The following MIR2052HG variants were observed in gnomAD, a reference collection of about 807,000 sequenced individuals.
MIR2052HG encodes the protein MIR2052 host gene.
At chr8:74,600,116 C>A (rs371894404) in intron 1 of MIR2052HG, among the ~76,000 whole-genome samples, 19 of 152,144 alleles carry the variant, frequency 1.2e-4, no homozygotes, top group Non-Finnish European at 2.6e-4. Context: ...CACTGACCTT[C>A]GCCCACTGTC....
chr8:74,682,755 T>C (rs1809139557), intron 2 of MIR2052HG, among the ~76,000 whole-genome samples: 1 of 152,158 alleles, frequency 6.6e-6, no homozygotes, highest in Non-Finnish European at 1.5e-5. Context: ...CAAATCCACT[T>C]CTTGATATAT....
At chr8:74,609,428 T>C (rs1808159086) in intron 1 of MIR2052HG, among the ~76,000 whole-genome samples, 1 of 151,812 alleles carries the variant, frequency 6.6e-6, no homozygotes, top group Non-Finnish European at 1.5e-5. Context: ...AGAGAAAATA[T>C]TTTTCAACCA....
At chr8:74,642,387 T>A (rs1409203443) in intron 2 of MIR2052HG, among the ~76,000 whole-genome samples, 1 of 152,104 alleles carries the variant, frequency 6.6e-6, no homozygotes, top group Admixed American at 6.5e-5. Flanking sequence ...TCTTGGGCAT[T>A]TCATGGAACA....
chr8:74,603,433 C>T, intron 1 of MIR2052HG: 1 of 1,608,052 alleles, frequency 6.2e-7, no homozygotes, highest in Non-Finnish European at 8.5e-7. Flanking sequence ...GATCTGTGCC[C>T]CAGACATCTG....
chr8:74,668,654 G>A (rs926297239), intron 2 of MIR2052HG, among the ~76,000 whole-genome samples: 1 of 152,190 alleles, frequency 6.6e-6, no homozygotes, highest in Non-Finnish European at 1.5e-5. Flanking sequence ...TCCTTCTTCA[G>A]GAACAAAGGA....
intron 4 of MIR2052HG, among the ~76,000 whole-genome samples, chr8:74,746,168 G>A (rs1188936425): frequency 1.3e-5 from 2 of 152,098 alleles, no homozygotes; most frequent in Admixed American, 6.6e-5. Context: ...TATTAGACAC[G>A]ACCTTTATGT....
At chr8:74,735,888 C>G (rs1426597401) in intron 4 of MIR2052HG, among the ~76,000 whole-genome samples, 1 of 152,166 alleles carries the variant, frequency 6.6e-6, no homozygotes, top group South Asian at 2.1e-4. Context: ...TAGTGCAACA[C>G]AGAAATTTGA....
At chr8:74,664,811 C>CCAGGCCT (rs1379030536) in intron 2 of MIR2052HG, among the ~76,000 whole-genome samples, 88 of 152,336 alleles carry the variant, frequency 5.8e-4, no homozygotes, top group Non-Finnish European at 8.8e-5. Flanking sequence ...AGCCACTGCA[C>CCAGGCCT]CAGGCCTCAA....
chr8:74,644,558 G>GT (rs888501208), intron 2 of MIR2052HG, among the ~76,000 whole-genome samples: 19 of 151,534 alleles, frequency 1.3e-4, no homozygotes, highest in Admixed American at 3.3e-4. Flanking sequence ...ATTGTAGTGA[G>GT]TTTTTTTTTC....
chr8:74,610,574 A>G (rs1808180429), intron 1 of MIR2052HG, among the ~76,000 whole-genome samples: 1 of 151,950 alleles, frequency 6.6e-6, no homozygotes, highest in Non-Finnish European at 1.5e-5. Flanking sequence ...GGCAACTTGG[A>G]AGACTTACAT....
intron 2 of MIR2052HG, among the ~76,000 whole-genome samples, chr8:74,617,267 A>G (rs888067207): frequency 5.3e-5 from 8 of 152,074 alleles, no homozygotes; most frequent in African/African-American, 1.7e-4. Context: ...TGGAGTCTCC[A>G]GTATTTATTA....
chr8:74,745,982 G>C (rs1207856625), intron 4 of MIR2052HG, among the ~76,000 whole-genome samples: 1 of 152,142 alleles, frequency 6.6e-6, no homozygotes, highest in African/African-American at 2.4e-5. Flanking sequence ...GTGAGGCACT[G>C]GCTTTACTTG....
At chr8:74,616,470 CTGTT>C (rs1451003720) in intron 2 of MIR2052HG, among the ~76,000 whole-genome samples, 2 of 150,554 alleles carry the variant, frequency 1.3e-5, no homozygotes, top group East Asian at 3.9e-4. Context: ...TTTATCATGT[CTGTT>C]AAATTTTATG....
intron 2 of MIR2052HG, among the ~76,000 whole-genome samples, chr8:74,618,591 A>G (rs1159559005): frequency 6.6e-6 from 1 of 152,230 alleles, no homozygotes. Flanking sequence ...ACAAAATTTC[A>G]CATTATTTCA....
At chr8:74,633,621 C>G (rs1232369568) in intron 2 of MIR2052HG, among the ~76,000 whole-genome samples, 1 of 152,164 alleles carries the variant, frequency 6.6e-6, no homozygotes, top group African/African-American at 2.4e-5. Context: ...TATGCGTTTC[C>G]TAGGCTCAAT....
At chr8:74,651,661 A>G (rs1284033464) in intron 2 of MIR2052HG, among the ~76,000 whole-genome samples, 1 of 152,180 alleles carries the variant, frequency 6.6e-6, no homozygotes, top group Non-Finnish European at 1.5e-5. Context: ...ATGTGAAAGG[A>G]GCTTAGTATT....
intron 2 of MIR2052HG, among the ~76,000 whole-genome samples, chr8:74,699,308 C>T (rs900193825): frequency 1.3e-5 from 2 of 152,004 alleles, no homozygotes; most frequent in Non-Finnish European, 2.9e-5. Flanking sequence ...TACTTGCACA[C>T]GCATGTTTAT....
At chr8:74,655,040 G>T (rs1482430865) in intron 2 of MIR2052HG, among the ~76,000 whole-genome samples, 2 of 152,142 alleles carry the variant, frequency 1.3e-5, no homozygotes, top group East Asian at 1.9e-4. Flanking sequence ...GTGGCATTTT[G>T]CCCCCACCCT....
intron 2 of MIR2052HG, among the ~76,000 whole-genome samples, chr8:74,613,611 A>C (rs1237183587): frequency 6.6e-6 from 1 of 152,006 alleles, no homozygotes; most frequent in Non-Finnish European, 1.5e-5. Context: ...TCAGCCTCCC[A>C]AGTAGCTGGG....
Sources: allele counts gnomAD v4.1 joint callset (sites outside exome capture counted in the v4.1 genomes callset), GRCh38; gene constraint gnomAD v4.1.1; transcripts MANE v1.5; gene names NCBI Gene and HGNC (gene_info 2026-07-23, HGNC 2026-07-21).